Variants in ASAP2 observed in about 807,000 individuals in gnomAD.
The protein encoded by ASAP2 is ArfGAP with SH3 domain, ankyrin repeat and PH domain 2.
Under a neutral mutation model 131.4 loss-of-function variants are expected in ASAP2, and 45 were observed. The observed-to-expected ratio is 0.34, with a 90% confidence interval of 0.27 to 0.44. ASAP2 has a LOEUF of 0.44. ASAP2 is among the 20% of genes least tolerant of loss of function. ASAP2 has a pLI of 1.00. For synonymous variants in ASAP2, 510 were observed against 503.0 expected (o/e 1.01, Z -0.19); for missense variants, 1,011 against 1,297.0 (o/e 0.78, Z 3.39).
At position 9,400,769 on chromosome 2, in the gene ASAP2, G is replaced by C; in HGVS notation, c.2762G>C (p.Gly921Ala). The C allele has an allele frequency of 6.2e-7, 1 of 1,613,746 alleles. No homozygotes were observed. The change falls in exon 26 of 28, where the codon GGT becomes GCT. Residue 921 changes from glycine to alanine, a missense_variant. By Grantham distance (60) the Gly-to-Ala change is moderately conservative. This residue lies in a region of ASAP2 where 652 missense variants were observed against 698.9 expected (regional missense o/e 0.93). Coordinates refer to ENST00000281419, the MANE Select transcript of ASAP2 (RefSeq NM_003887.3). ...PVDLSATEAL[G>A]PLSNAMVLQP... Reference sequence around the variant, plus strand: ...GATCTCTCTGCAACGGAAGCTCTGGGTCCTCTGTCCAATGCTATGGTCCTG... The same window carrying C: ...GATCTCTCTGCAACGGAAGCTCTGGCTCCTCTGTCCAATGCTATGGTCCTG...
Position 9,320,323 on chromosome 2 carries a change from C to A in ASAP2, c.456C>A (p.Asp152Glu). 1 of 1,608,590 alleles carries A rather than the reference C, an allele frequency of 6.2e-7. No homozygotes were observed. Among genetic ancestry groups the A allele is most frequent in the Middle Eastern group, 1.7e-4 (1 of 6,046 alleles). ...AGCCTTTTGATAAAGCTTGGAAGGACTATGAAACAAAAATGTGAGTGTTCT... is the reference window on the plus strand; with the variant it reads ...AGCCTTTTGATAAAGCTTGGAAGGAATATGAAACAAAAATGTGAGTGTTCT... ...LKKPFDKAWK[D>E]YETKITKIEK... The change falls in exon 5 of 28, where the codon GAC (aspartate) becomes GAA (glutamate). Residue 152 changes from aspartate (D) to glutamate (E), a missense_variant. Around this residue, in one of 2 missense-constraint regions of ASAP2, gnomAD observed 359 missense variants for 598.1 expected, o/e 0.60. Coordinates refer to ENST00000281419, the MANE Select transcript of ASAP2 (RefSeq NM_003887.3).
At chr2:9,213,618 G>A (rs1163494198) in intron 1 of ASAP2, among the ~76,000 whole-genome samples, 1 of 152,146 alleles carries the variant, frequency 6.6e-6, no homozygotes, top group Non-Finnish European at 1.5e-5. Flanking sequence ...AGGTAGCAGG[G>A]GGGGTGGTGG....
chr2:9,400,965 C>G, intron 26 of ASAP2, 135 bp downstream of exon 26: 2 of 918,136 alleles, frequency 2.2e-6, no homozygotes, highest in Non-Finnish European at 3.3e-6. Flanking sequence ...TGGTACCTGA[C>G]TGCTTGGATC....
intron 17 of ASAP2, among the ~76,000 whole-genome samples, 174 bp from the exon 18 acceptor site, chr2:9,376,734 G>A (rs928973431): frequency 2.0e-5 from 3 of 152,214 alleles, no homozygotes; most frequent in Admixed American, 6.5e-5. Context: ...CAAATTGCAC[G>A]TTCCCAAGGG....
At chr2:9,261,341 C>T (rs1377785035) in intron 1 of ASAP2, among the ~76,000 whole-genome samples, 9 of 152,148 alleles carry the variant, frequency 5.9e-5, no homozygotes, top group Non-Finnish European at 1.2e-4. Flanking sequence ...AGCATTTCAT[C>T]GGTTCAAAGC....
chr2:9,359,730 A>AT (rs1672965143), intron 15 of ASAP2, among the ~76,000 whole-genome samples: 1 of 152,210 alleles, frequency 6.6e-6, no homozygotes. Context: ...TCAAGGGGCC[A>AT]TCAGTCTTAT....
chr2:9,256,161 G>T (rs1665143365), intron 1 of ASAP2, among the ~76,000 whole-genome samples: 1 of 78,686 alleles, frequency 1.3e-5, no homozygotes. Context: ...AGGGTCCCCT[G>T]CAAAAAAAAA....
At chr2:9,318,679 C>A in intron 4 of ASAP2, 81 bp downstream of exon 4, 1 of 875,326 alleles carries the variant, frequency 1.1e-6, no homozygotes. Context: ...GGGCAGCAGC[C>A]ACGCCAGTAC....
chr2:9,207,350 CA>C lies in ASAP2; in HGVS notation c.126+122del. 1 of 1,333,996 alleles carries C rather than the reference CA, an allele frequency of 7.5e-7. No individual in the cohort carries two copies. The highest frequency in any genetic ancestry group is 9.8e-7 in the Non-Finnish European group (1 of 1,020,536). 82.6% of individuals were successfully genotyped at this position (1,333,996 alleles called of 1,614,324 possible). ...GCTCCGAAGCCGGACGCGGCCGGGC[CA>C]ACCCTGCCCGAGACAGAAGCCCTTT... On this transcript the variant is annotated intron_variant, in intron 1 of 27. Coordinates refer to ENST00000281419, the MANE Select transcript of ASAP2 (RefSeq NM_003887.3). This position sits in a 1 kb window ranked among gnomAD's most constrained non-coding sequence, Gnocchi z 4.1.
intron 17 of ASAP2, among the ~76,000 whole-genome samples, chr2:9,376,017 C>T (rs1471193451): frequency 6.6e-6 from 1 of 152,250 alleles, no homozygotes; most frequent in African/African-American, 2.4e-5. Flanking sequence ...CACAAATACC[C>T]TGTAGATGCA....
chr2:9,325,964 T>C (rs1483554491), intron 6 of ASAP2, among the ~76,000 whole-genome samples: 1 of 152,118 alleles, frequency 6.6e-6, no homozygotes, highest in Non-Finnish European at 1.5e-5. Flanking sequence ...TGATGAAGAG[T>C]GTAGAAGTTG....
rs112686778 is a variant in ASAP2 at position 9,274,048 on chromosome 2, G to A, written c.127-5269G>A. Among the ~76,000 whole-genome samples, 352 of 152,322 alleles carry A rather than the reference G, an allele frequency of 2.3e-3. 3 individuals are homozygous for A. Among genetic ancestry groups the A allele is most frequent in the Middle Eastern group, 0.01 (3 of 294 alleles). On this transcript the variant is annotated intron_variant, in intron 1 of 27. Transcript: ENST00000281419. ...AAGGACAGCTTGGAGGTTAGAAACAGGATGGAGTCAGTTATGTCAGATCTC... is the reference window on the plus strand; with the variant it reads ...AAGGACAGCTTGGAGGTTAGAAACAAGATGGAGTCAGTTATGTCAGATCTC...
rs368028773 is a variant in ASAP2 at position 9,400,840 on chromosome 2, G to A, written c.2823+10G>A. 293 of 1,611,558 alleles carry A rather than the reference G, an allele frequency of 1.8e-4. 4 individuals carry two copies. The South Asian group carries it at 2.2e-3, about 12-fold the overall frequency. ...TAGGAAGTCGCAGGCAGTAAGTGAC[G>A]AGCCCCCTTTCCTGCCTCTCTGCTC... On this transcript the variant is annotated intron_variant, in intron 26 of 27. Transcript: ENST00000281419.
intron 1 of ASAP2, among the ~76,000 whole-genome samples, chr2:9,219,767 A>G (rs984198692): frequency 1.3e-5 from 2 of 152,198 alleles, no homozygotes. Flanking sequence ...AGAGGTTTTT[A>G]GTGTACTCAC....
At position 9,281,896 on chromosome 2, in the gene ASAP2, TGG is replaced by T. The variant is rs1667151134; in HGVS notation, c.199+2508_199+2509del. 6.6e-6 allele frequency among the ~76,000 whole-genome samples: 1 copy of T among 152,212 alleles called. No individual in the cohort carries two copies. The highest frequency in any genetic ancestry group is 6.5e-5 in the Admixed American group (1 of 15,280). ...GAGTTCCGAGCTCTTGTGCATTGCC[TGG>T]ACTCAGGCCACCTGTCCCGACCCTC... On this transcript the variant is annotated intron_variant, in intron 2 of 27. Coordinates refer to ENST00000281419, the MANE Select transcript of ASAP2 (RefSeq NM_003887.3). This position sits in a 1 kb window ranked among gnomAD's most constrained non-coding sequence, Gnocchi z 4.0.
At chr2:9,263,360 TG>T (rs1010832826) in intron 1 of ASAP2, among the ~76,000 whole-genome samples, 2 of 152,140 alleles carry the variant, frequency 1.3e-5, no homozygotes, top group Non-Finnish European at 2.9e-5. Context: ...CCAGGCTGGC[TG>T]GGGGGGTCCT....
chr2:9,383,260 A>G (rs1277992003), intron 20 of ASAP2, among the ~76,000 whole-genome samples: 2 of 152,026 alleles, frequency 1.3e-5, no homozygotes, highest in Non-Finnish European at 2.9e-5. Context: ...CCTCTGGTGC[A>G]GTAAACAATT....
intron 15 of ASAP2, among the ~76,000 whole-genome samples, chr2:9,366,815 A>G (rs909822356): frequency 6.6e-6 from 1 of 151,990 alleles, no homozygotes; most frequent in African/African-American, 2.4e-5. Flanking sequence ...TACCCCACAT[A>G]ATTCTTCTGT....
At chr2:9,379,142 AAAC>A in intron 19 of ASAP2, 83 bp downstream of exon 19, 1 of 955,698 alleles carries the variant, frequency 1.0e-6, no homozygotes, top group Non-Finnish European at 1.5e-6. Context: ...CTGCTCTTGG[AAAC>A]AGGGCCAACC....
Sources: gnomAD v4.1 joint callset for allele counts (sites outside exome capture counted in the v4.1 genomes callset) on GRCh38, gnomAD v4.1.1 for gene constraint, gnomAD v4.1.1 regional missense constraint, Gnocchi (gnomAD v3.1) non-coding constraint, MANE v1.5 for transcripts, NCBI Gene and HGNC (gene_info 2026-07-23, HGNC 2026-07-21) for gene names.